PRKCA: variants seen among roughly 807,000 people sequenced by gnomAD.
PRKCA encodes the protein protein kinase C alpha type.
PRKCA carries 27 observed loss-of-function variants against 87.0 expected under a neutral mutation model. The observed-to-expected ratio is 0.31, with a 90% CI of 0.23 to 0.43. The LOEUF (loss-of-function observed/expected upper bound fraction) is 0.43. Ranked by LOEUF, PRKCA falls within the 20% of genes least tolerant of loss-of-function variation. PRKCA has a pLI of 1.00. For missense variants in PRKCA, 518 were observed against 852.3 expected (o/e 0.61, Z 4.88); for synonymous variants, 329 against 311.1 (o/e 1.06, Z -0.61).
intron 13 of PRKCA, among the ~76,000 whole-genome samples, chr17:66,763,538 T>TTTGGACCCC (rs1262427866): frequency 2.0e-5 from 3 of 152,232 alleles, no homozygotes; most frequent in African/African-American, 7.2e-5. Context: ...TCCTGTGTTC[T>TTTGGACCCC]ATCCTTGGGA....
chr17:66,499,233 AGAGCTCTAAG>A (rs1428994322), intron 3 of PRKCA, among the ~76,000 whole-genome samples: 1 of 152,008 alleles, frequency 6.6e-6, no homozygotes, highest in African/African-American at 2.4e-5. Context: ...GTCTCAGGAG[AGAGCTCTAAG>A]GAACTCCAAC....
At chr17:66,785,788 C>T (rs903210380) in intron 14 of PRKCA, among the ~76,000 whole-genome samples, 1 of 152,216 alleles carries the variant, frequency 6.6e-6, no homozygotes, top group African/African-American at 2.4e-5. Context: ...ATACAAGGCA[C>T]TTTACTCCCA....
chr17:66,388,042 G>C (rs972828239), intron 2 of PRKCA, among the ~76,000 whole-genome samples: 2 of 152,062 alleles, frequency 1.3e-5, no homozygotes, highest in Non-Finnish European at 2.9e-5. Flanking sequence ...AGCTATCTCA[G>C]CTTCAACATA....
chr17:66,466,838 C>G (rs1165690872), intron 2 of PRKCA, among the ~76,000 whole-genome samples: 2 of 151,494 alleles, frequency 1.3e-5, no homozygotes, highest in Non-Finnish European at 2.9e-5. Context: ...AAGGGAAGTC[C>G]ACGTGGATGT....
intron 2 of PRKCA, among the ~76,000 whole-genome samples, chr17:66,489,703 T>C (rs1295019886): frequency 6.6e-6 from 1 of 152,034 alleles, no homozygotes; most frequent in Non-Finnish European, 1.5e-5. Context: ...GGAAGCAAAT[T>C]CATTCTTTCT....
chr17:66,303,275 G>T lies in PRKCA; in HGVS notation c.173+251G>T, dbSNP rs566877850. On this transcript the variant is annotated intron_variant, in intron 1 of 16. Coordinates refer to ENST00000413366, the MANE Select transcript of PRKCA (RefSeq NM_002737.3). ...AGGCTGGCCCCGTACGGTGGCGAAG[G>T]GGATCCCTCTCCGGGCCGGGCCCCT... Among the ~76,000 whole-genome samples the T allele has an allele frequency of 5.1e-3, 775 of 152,104 alleles. 6 individuals carry two copies. The highest frequency in any genetic ancestry group is 8.3e-3 in the Non-Finnish European group (563 of 67,960).
intron 2 of PRKCA, among the ~76,000 whole-genome samples, chr17:66,434,274 GTGAA>G (rs5821525): frequency 0.52 from 78,884 of 151,078 alleles, 23,021 homozygotes; most frequent in Non-Finnish European, 0.67. Flanking sequence ...GGATGGGAGT[GTGAA>G]TGGAAGACAG....
intron 8 of PRKCA, among the ~76,000 whole-genome samples, chr17:66,694,674 G>T (rs1027056491): frequency 1.4e-5 from 2 of 145,910 alleles, no homozygotes; most frequent in Admixed American, 1.4e-4. Flanking sequence ...GTGTAATATT[G>T]CCCTCTGATC....
At chr17:66,539,681 G>C (rs1275162481) in intron 3 of PRKCA, among the ~76,000 whole-genome samples, 1 of 152,164 alleles carries the variant, frequency 6.6e-6, no homozygotes, top group Non-Finnish European at 1.5e-5. Flanking sequence ...GGGATTACAG[G>C]CGTAAGCACC....
intron 5 of PRKCA, among the ~76,000 whole-genome samples, chr17:66,647,799 T>C (rs1200450999): frequency 6.6e-6 from 1 of 152,178 alleles, no homozygotes; most frequent in African/African-American, 2.4e-5. Context: ...ATGTCGACTT[T>C]TTGCATGTGA....
chr17:66,726,164 CAG>C (rs1449996528), intron 8 of PRKCA, among the ~76,000 whole-genome samples: 1 of 147,454 alleles, frequency 6.8e-6, no homozygotes, highest in Non-Finnish European at 1.5e-5. Context: ...GTGTGCAGGA[CAG>C]AAAGCTCAGG....
intron 2 of PRKCA, among the ~76,000 whole-genome samples, chr17:66,442,782 C>CA (rs1317891994): frequency 1.3e-5 from 2 of 152,200 alleles, no homozygotes; most frequent in African/African-American, 4.8e-5. Context: ...ACTCATTTGT[C>CA]AGGTGTTTGT....
chr17:66,788,704 T>A lies in PRKCA; in HGVS notation c.1714-135T>A, dbSNP rs149819398. On this transcript the variant is annotated intron_variant, in intron 15 of 16. Transcript: ENST00000413366. ...TTCACTTCGTACAAGCCACTGAGTG[T>A]CTTGGTCAGCTCTCTGAGATGCTGT... 598 of 1,030,122 alleles carry A rather than the reference T, an allele frequency of 5.8e-4. 3 individuals are homozygous for A. The African/African-American group carries it at 8.1e-3, about 14-fold the overall frequency. The allele number at this position is 1,030,122 out of a possible 1,614,324, so 63.8% of individuals were successfully genotyped here.
chr17:66,759,715 G>A (rs1974638643), intron 13 of PRKCA, among the ~76,000 whole-genome samples: 1 of 152,162 alleles, frequency 6.6e-6, no homozygotes, highest in Non-Finnish European at 1.5e-5. Context: ...ATAAAGACAT[G>A]TAGATTAAAA....
chr17:66,363,795 C>T (rs1226514595), intron 2 of PRKCA, among the ~76,000 whole-genome samples: 17 of 152,150 alleles, frequency 1.1e-4, no homozygotes, highest in African/African-American at 3.6e-4. Flanking sequence ...CTCTGCCTCC[C>T]GGGTTCAAAC....
intron 2 of PRKCA, among the ~76,000 whole-genome samples, chr17:66,348,610 G>A (rs1907550832): frequency 6.6e-6 from 1 of 152,186 alleles, no homozygotes. Flanking sequence ...GCCCAAAACA[G>A]TGCATCAATC....
At chr17:66,759,838 C>T (rs1974641899) in intron 13 of PRKCA, among the ~76,000 whole-genome samples, 1 of 152,164 alleles carries the variant, frequency 6.6e-6, no homozygotes. Context: ...CATGGAAGGG[C>T]ATTACATAAT....
intron 2 of PRKCA, among the ~76,000 whole-genome samples, chr17:66,490,500 T>C (rs113499430): frequency 0.13 from 19,844 of 151,984 alleles, 4,164 homozygotes; most frequent in African/African-American, 0.44. Context: ...CCCACCACCA[T>C]GCCCGGCTAA....
intron 16 of PRKCA, among the ~76,000 whole-genome samples, chr17:66,798,530 ATGGTGGTGACGG>A (rs1975757056): frequency 2.1e-3 from 1 of 468 alleles, no homozygotes; most frequent in Non-Finnish European, 3.7e-3. Flanking sequence ...GGTGGTGGTG[ATGGTGGTGACGG>A]TGGTGGTGGT....
Sources: allele counts gnomAD v4.1 joint callset (sites outside exome capture counted in the v4.1 genomes callset), GRCh38; gene constraint gnomAD v4.1.1; transcripts MANE v1.5; gene names NCBI Gene and HGNC (gene_info 2026-07-23, HGNC 2026-07-21).